ZNF786: variants seen among roughly 807,000 people sequenced by gnomAD.
The protein encoded by ZNF786 is zinc finger protein 786.
Under a neutral mutation model 63.1 loss-of-function variants are expected in ZNF786, and 56 were observed. That is an observed-to-expected ratio of 0.89 (90% CI 0.72 to 1.11). The LOEUF (loss-of-function observed/expected upper bound fraction) is 1.11. Among genes scored for constraint, ZNF786 ranks in the 50% least tolerant of loss-of-function variants. ZNF786 has a pLI of 0.00. For missense variants in ZNF786, 1,213 were observed against 1,041.8 expected, an observed-to-expected ratio of 1.16 and a Z score of -2.26; for synonymous variants, 485 against 406.9, an observed-to-expected ratio of 1.19 and a Z score of -2.31.
intron 1 of ZNF786, among the ~76,000 whole-genome samples, chr7:149,087,714 C>T (rs186624828): frequency 3.9e-4 from 60 of 152,278 alleles, no homozygotes; most frequent in African/African-American, 1.3e-3. Context: ...GATAACCTTC[C>T]TTTCACCACT....
chr7:149,073,747 G>GTGTGTGTGTGTA (rs1447329296), intron 3 of ZNF786, among the ~76,000 whole-genome samples: 18 of 77,568 alleles, frequency 2.3e-4, no homozygotes, highest in Non-Finnish European at 3.8e-4. Context: ...GTGTGTGTGT[G>GTGTGTGTGTGTA]TATATATATA....
Position 149,070,751 on chromosome 7 carries a change from T to TTC in ZNF786, c.2019_2020dup (p.Lys674ArgfsTer15), listed in dbSNP as rs1825389458. On this transcript the variant is annotated frameshift_variant, in exon 4 of 4. Transcript: ENST00000491431. LOFTEE classifies it high-confidence loss of function. ...GTCACACTTGGGACACTGAAAAGGCTTCTCTCCCGTGTGCGTTCTGATGTG... is the reference window on the plus strand; with the variant it reads ...GTCACACTTGGGACACTGAAAAGGCTTCTCTCTCCCGTGTGCGTTCTGATGTG... The TTC allele has an allele frequency of 1.4e-5, 22 of 1,612,694 alleles. No individual in the cohort carries two copies. The highest frequency in any genetic ancestry group is 1.9e-5 in the Non-Finnish European group (22 of 1,179,738).
rs1825392681 is a variant in ZNF786 at position 149,070,852 on chromosome 7, C to T, written c.1920G>A (p.Gln640=). The change falls in exon 4 of 4, where the codon CAG becomes CAA. Residue 640 remains glutamine (Q), a synonymous_variant. Transcript: ENST00000491431. ...YRVKADMKAH[Q]LLHSGEMPFS... is the part of the protein sequence containing the mutation. ...AAGGCATCTCCCCGCTGTGCAGCAGCTGGTGGGCCTTCATGTCGGCCTTCA... is the reference window on the plus strand; with the variant it reads ...AAGGCATCTCCCCGCTGTGCAGCAGTTGGTGGGCCTTCATGTCGGCCTTCA... 1 of 1,613,792 alleles carries T rather than the reference C, an allele frequency of 6.2e-7. No individual in the cohort carries two copies. Among genetic ancestry groups the T allele is most frequent in the Non-Finnish European group, 8.5e-7 (1 of 1,179,942 alleles).
At chr7:149,076,468 C>T (rs2129515289) in intron 2 of ZNF786, among the ~76,000 whole-genome samples, 1 of 150,344 alleles carries the variant, frequency 6.7e-6, no homozygotes, top group South Asian at 2.1e-4. Flanking sequence ...GTGGCTCACG[C>T]CTGTAATCCC....
At position 149,074,504 on chromosome 7, in the gene ZNF786, C is replaced by T; in HGVS notation, c.180G>A (p.Trp60Ter). ...TGAAGGGCTCTCCCCCGTGTTCAAT[C>T]CAGGATATTAGTTCTGGTTTTGGAA... is the stretch of plus-strand genomic sequence containing the variant. Reference protein sequence around the residue: ...DGLPKPELISWIEHGGEPFRK... With the variant: ...DGLPKPELIS The change falls in exon 3 of 4, where the codon TGG becomes TGA. Residue 60 changes from tryptophan to a stop codon, truncating the protein, a stop_gained. Transcript: ENST00000491431. LOFTEE classifies it high-confidence loss of function. The T allele has an allele frequency of 3.1e-6, 5 of 1,613,918 alleles. No individual in the cohort carries two copies. In the South Asian group the frequency reaches 4.4e-5, roughly 14 times the overall value.
At chr7:149,080,859 T>TC in intron 1 of ZNF786, 142 bp from the exon 2 acceptor site, 1 of 909,886 alleles carries the variant, frequency 1.1e-6, no homozygotes, top group Non-Finnish European at 1.6e-6. Flanking sequence ...AACTACTCCT[T>TC]CCTCTACTCC....
intron 2 of ZNF786, among the ~76,000 whole-genome samples, chr7:149,076,264 G>A (rs1416260633): frequency 2.6e-5 from 4 of 151,616 alleles, no homozygotes; most frequent in Non-Finnish European, 5.9e-5. Flanking sequence ...ACAGGCATGC[G>A]CCACCATACC....
intron 2 of ZNF786, among the ~76,000 whole-genome samples, chr7:149,077,822 T>C (rs752035022): frequency 3.3e-5 from 5 of 151,810 alleles, no homozygotes; most frequent in Non-Finnish European, 7.4e-5. Flanking sequence ...TGAGAAACAG[T>C]TGTGGCCCAA....
chr7:149,083,918 A>T (rs1175803274), intron 1 of ZNF786, among the ~76,000 whole-genome samples: 2 of 152,204 alleles, frequency 1.3e-5, no homozygotes, highest in Non-Finnish European at 2.9e-5. Flanking sequence ...CATTTTCTTT[A>T]TCCAGTCTGC....
chr7:149,073,747 G>GTGTGTATATA (rs1447329296), intron 3 of ZNF786, among the ~76,000 whole-genome samples: 6 of 77,570 alleles, frequency 7.7e-5, no homozygotes, highest in East Asian at 1.1e-3. Context: ...GTGTGTGTGT[G>GTGTGTATATA]TATATATATA....
chr7:149,074,107 T>G (rs1243700254), intron 3 of ZNF786, among the ~76,000 whole-genome samples: 1 of 151,906 alleles, frequency 6.6e-6, no homozygotes, highest in Non-Finnish European at 1.5e-5. Flanking sequence ...ACTATATATA[T>G]TAACCAATTC....
chr7:149,070,987 G>A lies in ZNF786; in HGVS notation c.1785C>T (p.Cys595=), dbSNP rs755750935. 2 of 1,613,084 alleles carry A rather than the reference G, an allele frequency of 1.2e-6. No homozygotes were observed. Among genetic ancestry groups the A allele is most frequent in the South Asian group, 2.2e-5 (2 of 91,074 alleles). Reference sequence around the variant, plus strand: ...GGCGGAAGCTCCTGTTGCACTCTGGGCACTGGAAGGGTCTCTCCCCGCTGT... The same window carrying A: ...GGCGGAAGCTCCTGTTGCACTCTGGACACTGGAAGGGTCTCTCCCCGCTGT... The part of the protein sequence containing the change: ...RVHSGERPFQ[C]PECNRSFRLK... The change falls in exon 4 of 4, where the codon TGC becomes TGT. Residue 595 remains cysteine, a synonymous_variant. Coordinates refer to ENST00000491431, the MANE Select transcript of ZNF786 (RefSeq NM_152411.4).
intron 3 of ZNF786, among the ~76,000 whole-genome samples, chr7:149,073,864 C>T (rs2129514453): frequency 6.7e-6 from 1 of 148,480 alleles, no homozygotes; most frequent in African/African-American, 2.5e-5. Context: ...TCAGCTCATT[C>T]ACTGCAAGCT....
Position 149,071,901 on chromosome 7 carries a change from G to T in ZNF786, c.871C>A (p.Gln291Lys). 6.2e-7 allele frequency: 1 copy of T among 1,604,660 alleles called. No homozygotes were observed. ...GTGCACTGGGCAGGCTTCTCCCCCTGCTGCGGGAGGCGGTGGCTGGGATGG... is the reference window on the plus strand; with the variant it reads ...GTGCACTGGGCAGGCTTCTCCCCCTTCTGCGGGAGGCGGTGGCTGGGATGG... ...LTHPSHRLPQQGEKPAQCTPC... is the reference protein window; with the variant it reads ...LTHPSHRLPQKGEKPAQCTPC... Residue 291 changes from glutamine to lysine, a missense_variant, in exon 4 of 4, where the codon CAG becomes AAG. Gln to Lys is a moderately conservative substitution (Grantham distance 53). Transcript: ENST00000491431.
chr7:149,081,955 C>A (rs1191414883), intron 1 of ZNF786, among the ~76,000 whole-genome samples: 5 of 152,170 alleles, frequency 3.3e-5, no homozygotes, highest in Non-Finnish European at 7.3e-5. Flanking sequence ...CTGCTATACA[C>A]CAACAGCGAC....
intron 1 of ZNF786, among the ~76,000 whole-genome samples, chr7:149,088,448 T>C (rs949936147): frequency 6.6e-6 from 1 of 152,244 alleles, no homozygotes; most frequent in African/African-American, 2.4e-5. Context: ...CAATAAGCTC[T>C]GTGGTTTTTA....
chr7:149,086,599 G>T (rs1415206249), intron 1 of ZNF786, among the ~76,000 whole-genome samples: 1 of 150,316 alleles, frequency 6.7e-6, no homozygotes, highest in Non-Finnish European at 1.5e-5. Flanking sequence ...TTGCACTCCA[G>T]CGTGGGTGAC....
At chr7:149,089,937 A>G (rs1825804012) in intron 1 of ZNF786, among the ~76,000 whole-genome samples, 1 of 151,010 alleles carries the variant, frequency 6.6e-6, no homozygotes, top group Non-Finnish European at 1.5e-5. Flanking sequence ...CTGGTCTCGA[A>G]CTCCCGACCT....
intron 1 of ZNF786, 44 bp downstream of exon 1, chr7:149,090,579 C>T (rs778729061): frequency 1.3e-6 from 2 of 1,550,554 alleles, no homozygotes; most frequent in Non-Finnish European, 1.8e-6. Flanking sequence ...CGAGGACCCA[C>T]CACGACCCCG....
Sources: allele counts gnomAD v4.1 joint callset (sites outside exome capture counted in the v4.1 genomes callset), GRCh38; gene constraint gnomAD v4.1.1; transcripts MANE v1.5; gene names NCBI Gene and HGNC (gene_info 2026-07-23, HGNC 2026-07-21).